Variants in COA1 observed in about 807,000 individuals in gnomAD.
COA1 encodes the protein cytochrome c oxidase assembly factor 1.
A neutral mutation model predicts 16.0 loss-of-function variants in COA1; 13 were observed. The observed-to-expected ratio is 0.81, with a 90% CI of 0.53 to 1.29. The LOEUF is 1.29. Ranked by LOEUF, COA1 falls within the 50% of genes most tolerant of loss-of-function variation. The pLI is 0.00. For missense variants in COA1, 179 were observed against 177.0 expected (o/e 1.01, Z -0.06); for synonymous variants, 65 against 65.7 (o/e 0.99, Z 0.05).
intron 1 of COA1, chr7:43,658,943 G>C (rs2092128411): frequency 1.3e-5 from 2 of 152,504 alleles, no homozygotes; most frequent in Non-Finnish European, 2.9e-5. Context: ...TCATCATGCA[G>C]GTTTTGTAGG....
chr7:43,661,302 C>T (rs1319561509), intron 1 of COA1, among the ~76,000 whole-genome samples: 4 of 152,152 alleles, frequency 2.6e-5, no homozygotes, highest in Non-Finnish European at 5.9e-5. Context: ...CAGGATGTTA[C>T]TAGATTTGTG....
At chr7:43,695,271 G>A (rs777022764) in intron 1 of COA1, among the ~76,000 whole-genome samples, 8 of 151,974 alleles carry the variant, frequency 5.3e-5, no homozygotes, top group African/African-American at 1.2e-4. Context: ...GGTAAAAGAC[G>A]AAGTCTTTAC....
intron 1 of COA1, among the ~76,000 whole-genome samples, chr7:43,687,885 T>C (rs568741236): frequency 6.6e-6 from 1 of 152,262 alleles, no homozygotes; most frequent in Non-Finnish European, 1.5e-5. Flanking sequence ...TCATCTTGAA[T>C]TCTATCTCCC....
At chr7:43,676,792 G>A (rs151218083) in intron 1 of COA1, among the ~76,000 whole-genome samples, 115 of 151,826 alleles carry the variant, frequency 7.6e-4, no homozygotes, top group African/African-American at 1.8e-3. Context: ...CAATTAATAT[G>A]TGTCAATTTA....
intron 1 of COA1, among the ~76,000 whole-genome samples, chr7:43,656,326 A>C (rs1386469605): frequency 6.6e-6 from 1 of 152,260 alleles, no homozygotes; most frequent in Non-Finnish European, 1.5e-5. Context: ...TAAAAAGCAA[A>C]GAAAGACTTA....
rs758413436 is a variant in COA1 at position 43,647,552 on chromosome 7, A to G, written c.98T>C (p.Val33Ala). The change falls in exon 3 of 6, where the codon GTG becomes GCG. Residue 33 changes from valine (V) to alanine (A), a missense_variant. Physicochemically the swap from Val to Ala is moderately conservative, Grantham distance 64. Transcript: ENST00000223336. ...ATACTTACTTTGAATGAGGTAATAC[A>G]CAATGGCAAAGCCCCCGGCATAGAA... ...GVFYAGGFAI[V>A]YYLIQKFHSR... 6 of 1,613,860 alleles carry G rather than the reference A, an allele frequency of 3.7e-6. No individual in the cohort carries two copies. The Admixed American group carries it at 6.7e-5, about 18-fold the overall frequency.
At chr7:43,615,627 G>A (rs2083276370) in intron 6 of COA1, among the ~76,000 whole-genome samples, 1 of 152,098 alleles carries the variant, frequency 6.6e-6, no homozygotes, top group Non-Finnish European at 1.5e-5. Context: ...CCTGCCTTCT[G>A]CCATTTACTC....
chr7:43,699,030 C>A (rs1217071097), intron 1 of COA1, among the ~76,000 whole-genome samples: 1 of 152,164 alleles, frequency 6.6e-6, no homozygotes, highest in African/African-American at 2.4e-5. Context: ...TATTTTAGCA[C>A]TGAAGTGACA....
At chr7:43,665,287 C>T (rs2092805446) in intron 1 of COA1, among the ~76,000 whole-genome samples, 1 of 151,978 alleles carries the variant, frequency 6.6e-6, no homozygotes, top group African/African-American at 2.4e-5. Context: ...GCTCAACATC[C>T]CAAATTATAC....
intron 1 of COA1, among the ~76,000 whole-genome samples, chr7:43,670,319 G>C (rs569513138): frequency 5.3e-5 from 8 of 152,172 alleles, no homozygotes; most frequent in South Asian, 4.1e-4. Flanking sequence ...TGGGTGTGGT[G>C]GTGGGTACCT....
chr7:43,640,565 C>CA lies in COA1; in HGVS notation c.341+7dup, dbSNP rs2086791964. 1 of 1,598,824 alleles carries CA rather than the reference C, an allele frequency of 6.3e-7. No homozygotes were observed. Among genetic ancestry groups the CA allele is most frequent in the Admixed American group, 1.7e-5 (1 of 58,090 alleles). ...CGCTCCCCCACTGCCGTCACCTTCC[C>CA]AGGATACCTCTGAAAGGGGCCACCT... On this transcript the variant is annotated splice_region_variant and intron_variant, in intron 5 of 5. Transcript: ENST00000223336.
intron 1 of COA1, among the ~76,000 whole-genome samples, chr7:43,719,380 G>A (rs849182): frequency 0.014 from 2,124 of 152,286 alleles, 56 homozygotes; most frequent in African/African-American, 0.049. Context: ...GCCACTAATA[G>A]CCTCTAAGCC....
At chr7:43,625,775 G>GTCTT (rs1347706021) in intron 6 of COA1, 6 of 151,982 alleles carry the variant, frequency 3.9e-5, no homozygotes, top group Admixed American at 2.0e-4. Flanking sequence ...GAGAGAGAGA[G>GTCTT]AGTGTCTTCA....
At chr7:43,713,132 A>G (rs146137277) in intron 1 of COA1, among the ~76,000 whole-genome samples, 2 of 152,138 alleles carry the variant, frequency 1.3e-5, no homozygotes, top group East Asian at 3.9e-4. Flanking sequence ...TTGTATTTTT[A>G]GTGGAAATGG....
At chr7:43,683,891 G>A (rs543664107) in intron 1 of COA1, among the ~76,000 whole-genome samples, 49 of 152,318 alleles carry the variant, frequency 3.2e-4, no homozygotes, top group African/African-American at 1.0e-3. Context: ...TCATACGCAT[G>A]AATTCTGTGG....
intron 1 of COA1, among the ~76,000 whole-genome samples, chr7:43,654,075 C>A (rs1187130647): frequency 6.6e-6 from 1 of 152,122 alleles, no homozygotes; most frequent in Admixed American, 6.6e-5. Flanking sequence ...GAAAGAGAAA[C>A]ATGTCCATGG....
intron 6 of COA1, chr7:43,633,265 GCTT>G (rs1411691644): frequency 6.6e-6 from 1 of 152,120 alleles, no homozygotes; most frequent in Non-Finnish European, 1.5e-5. Flanking sequence ...TATGGAGATG[GCTT>G]CTTTACTTAC....
chr7:43,700,201 C>A (rs1389478189), intron 1 of COA1, among the ~76,000 whole-genome samples: 1 of 151,876 alleles, frequency 6.6e-6, no homozygotes, highest in Admixed American at 6.6e-5. Flanking sequence ...AAATATGGAC[C>A]ACAATCATAC....
intron 1 of COA1, among the ~76,000 whole-genome samples, chr7:43,708,425 C>T (rs1448812360): frequency 6.6e-6 from 1 of 151,472 alleles, no homozygotes; most frequent in Non-Finnish European, 1.5e-5. Flanking sequence ...CGTACCACTG[C>T]ACTCCAGTCT....
Sources: gnomAD v4.1 joint callset for allele counts (sites outside exome capture counted in the v4.1 genomes callset) on GRCh38, gnomAD v4.1.1 for gene constraint, MANE v1.5 for transcripts, NCBI Gene and HGNC (gene_info 2026-07-23, HGNC 2026-07-21) for gene names.